The following PPFIBP2 variants were observed in gnomAD, a reference collection of about 807,000 sequenced individuals.
The protein encoded by PPFIBP2 is liprin-beta-2.
Under a neutral mutation model 118.3 loss-of-function variants are expected in PPFIBP2, and 118 were observed. That is an observed-to-expected ratio of 1.00 (90% CI 0.86 to 1.16). The LOEUF (loss-of-function observed/expected upper bound fraction) is 1.16. Ranked by LOEUF, PPFIBP2 falls within the 50% of genes most tolerant of loss-of-function variation. PPFIBP2 has a pLI of 0.00. For missense variants in PPFIBP2, 1,195 were observed against 1,073.1 expected (o/e 1.11, Z -1.59); for synonymous variants, 414 against 397.4 (o/e 1.04, Z -0.50).
chr11:7,635,605 T>C lies in PPFIBP2; in HGVS notation c.1236+12T>C. The C allele has an allele frequency of 6.3e-7, 1 of 1,598,968 alleles. No homozygotes were observed. The highest frequency in any genetic ancestry group is 1.1e-5 in the South Asian group (1 of 90,768). On this transcript the variant is annotated intron_variant, in intron 14 of 23. Transcript: ENST00000299492. ...TGTTAGAACCCAAGGTACATTGACTTCGTGCCCCGTCGTCTATTTGTGGTT... is the reference window on the plus strand; with the variant it reads ...TGTTAGAACCCAAGGTACATTGACTCCGTGCCCCGTCGTCTATTTGTGGTT...
chr11:7,610,494 GT>G (rs1342193978), intron 6 of PPFIBP2, 72 bp downstream of exon 6: 29 of 1,576,572 alleles, frequency 1.8e-5, no homozygotes, highest in Non-Finnish European at 2.5e-5. Flanking sequence ...AGGCCATCTG[GT>G]CAACTCCCAG....
the PPFIBP2 span, chr11:7,665,980 C>A: frequency 7.0e-7 from 1 of 1,433,696 alleles, no homozygotes; most frequent in South Asian, 1.2e-5. Flanking sequence ...GTGTGAGAGG[C>A]GCGCCTGTGG....
intron 1 of PPFIBP2, among the ~76,000 whole-genome samples, chr11:7,528,532 T>C (rs1208117136): frequency 6.6e-6 from 1 of 152,162 alleles, no homozygotes; most frequent in East Asian, 1.9e-4. Flanking sequence ...CCTTACCTGT[T>C]TAGGATACCA....
At chr11:7,577,229 CTTCT>C (rs1467519590) in intron 3 of PPFIBP2, 1 of 188,000 alleles carries the variant, frequency 5.3e-6, no homozygotes, top group Non-Finnish European at 1.1e-5. Context: ...CTGTCCAAGT[CTTCT>C]TTCTTTTTTC....
chr11:7,651,469 T>C (rs942773232), intron 22 of PPFIBP2, 187 bp from the exon 23 acceptor site: 4 of 548,286 alleles, frequency 7.3e-6, no homozygotes, highest in Non-Finnish European at 1.3e-5. Context: ...TCAGCACATG[T>C]GCTAGTATGT....
At chr11:7,582,330 T>A (rs1857401420) in intron 3 of PPFIBP2, among the ~76,000 whole-genome samples, 1 of 152,176 alleles carries the variant, frequency 6.6e-6, no homozygotes, top group Non-Finnish European at 1.5e-5. Flanking sequence ...ACTAGCTTCC[T>A]CAATTTCCTA....
chr11:7,557,207 C>T (rs1163094547), intron 2 of PPFIBP2, among the ~76,000 whole-genome samples: 1 of 151,916 alleles, frequency 6.6e-6, no homozygotes, highest in African/African-American at 2.4e-5. Flanking sequence ...AACCTGTTCA[C>T]TTAATTAATT....
intron 3 of PPFIBP2, chr11:7,576,909 A>G (rs1856419569): frequency 6.6e-6 from 1 of 152,370 alleles, no homozygotes; most frequent in Non-Finnish European, 1.5e-5. Flanking sequence ...CTCGCCTGGA[A>G]AATGGGTGGG....
rs1301809486 is a variant in PPFIBP2 at position 7,629,521 on chromosome 11, G to A, written c.951G>A (p.Val317=). 7 of 1,614,122 alleles carry A rather than the reference G, an allele frequency of 4.3e-6. No individual in the cohort carries two copies. Among genetic ancestry groups the A allele is most frequent in the Non-Finnish European group, 5.9e-6 (7 of 1,179,980 alleles). ...LNQYRKVKEI[V]MVTQGPSERT... is the part of the protein sequence containing the mutation. ...AGTACCGGAAGGTAAAGGAGATTGTGATGGTCACTCAAGGTAAGAGCAAGG... is the reference window on the plus strand; with the variant it reads ...AGTACCGGAAGGTAAAGGAGATTGTAATGGTCACTCAAGGTAAGAGCAAGG... Residue 317 remains valine, a synonymous_variant, in exon 10 of 24, where the codon GTG becomes GTA. Transcript: ENST00000299492.
intron 1 of PPFIBP2, among the ~76,000 whole-genome samples, chr11:7,541,088 A>G (rs1196435643): frequency 6.6e-6 from 1 of 152,226 alleles, no homozygotes; most frequent in Non-Finnish European, 1.5e-5. Flanking sequence ...TGTCTAAGCA[A>G]AAGGGTGCCT....
chr11:7,514,681 G>C (rs1207283562), intron 1 of PPFIBP2, among the ~76,000 whole-genome samples: 1 of 152,184 alleles, frequency 6.6e-6, no homozygotes, highest in Non-Finnish European at 1.5e-5. Context: ...TGCAGGATGG[G>C]GACGGTCCTA....
At chr11:7,516,619 C>T (rs1590078330) in intron 1 of PPFIBP2, among the ~76,000 whole-genome samples, 1 of 152,194 alleles carries the variant, frequency 6.6e-6, no homozygotes, top group Non-Finnish European at 1.5e-5. Flanking sequence ...CCTAAAATGG[C>T]GTCAGCACCA....
At chr11:7,660,966 T>G (rs1391752756), downstream of PPFIBP2, among the ~76,000 whole-genome samples, 1 of 151,930 alleles carries the variant, frequency 6.6e-6, no homozygotes, top group Non-Finnish European at 1.5e-5. Context: ...TGATGGTAGT[T>G]TGTATTTCTG....
rs141911149 is a variant in PPFIBP2, at chr11:7,544,187, C to A, written c.-36-5253C>A. Among the ~76,000 whole-genome samples the A allele has an allele frequency of 8.9e-3, 1,358 of 152,252 alleles. 9 individuals carry two copies. Among genetic ancestry groups the A allele is most frequent in the Middle Eastern group, 0.048 (14 of 294 alleles). On this transcript the variant is annotated intron_variant, in intron 1 of 23. Transcript: ENST00000299492. ...TCTTAAACAACATACCCTGCCTTATCTTTATGGCCAGGGATGAGACAGTGT... is the reference window on the plus strand; with the variant it reads ...TCTTAAACAACATACCCTGCCTTATATTTATGGCCAGGGATGAGACAGTGT...
rs966816267 is a variant in PPFIBP2 at position 7,593,179 on chromosome 11, A to G, written c.327A>G (p.Glu109=). The G allele has an allele frequency of 6.2e-6, 10 of 1,614,058 alleles. No homozygotes were observed. In the East Asian group the frequency reaches 2.0e-4, roughly 32 times the overall value. The change falls in exon 4 of 24, where the codon GAA becomes GAG. Residue 109 remains glutamate (E), a synonymous_variant. Coordinates refer to ENST00000299492, the MANE Select transcript of PPFIBP2 (RefSeq NM_003621.5). ...HSAASNETYQ[E]RLARLEGDKE... ...CTGCTAGTAATGAAACCTACCAGGA[A>G]CGCTTGGCACGTCTAGAAGGGGATA...
At chr11:7,556,216 GA>G (rs1330026194) in intron 2 of PPFIBP2, among the ~76,000 whole-genome samples, 1 of 152,188 alleles carries the variant, frequency 6.6e-6, no homozygotes, top group African/African-American at 2.4e-5. Flanking sequence ...AGCACTTTGG[GA>G]GGCCGAGGCG....
intron 3 of PPFIBP2, among the ~76,000 whole-genome samples, chr11:7,573,039 G>A (rs930619759): frequency 2.0e-5 from 3 of 152,114 alleles, no homozygotes; most frequent in Admixed American, 1.3e-4. Flanking sequence ...CTCAGCCTCC[G>A]AAAGTGCTGG....
chr11:7,626,880 A>G (rs1409657512), intron 8 of PPFIBP2, among the ~76,000 whole-genome samples: 2 of 152,254 alleles, frequency 1.3e-5, no homozygotes, highest in Admixed American at 6.5e-5. Context: ...TGTGGAAGCC[A>G]TGCAACAATG....
At chr11:7,618,546 C>T (rs984855768) in intron 6 of PPFIBP2, among the ~76,000 whole-genome samples, 9 of 152,150 alleles carry the variant, frequency 5.9e-5, no homozygotes, top group Admixed American at 5.9e-4. Flanking sequence ...GAAGAACCCT[C>T]AACTTGTGGG....
Sources: allele counts gnomAD v4.1 joint callset (sites outside exome capture counted in the v4.1 genomes callset), GRCh38; gene constraint gnomAD v4.1.1; transcripts MANE v1.5; gene names NCBI Gene and HGNC (gene_info 2026-07-23, HGNC 2026-07-21).